The following WDR36 variants were observed in gnomAD, a reference collection of about 807,000 sequenced individuals.
WDR36 encodes the protein WD repeat-containing protein 36.
Under a neutral mutation model 112.7 loss-of-function variants are expected in WDR36, and 63 were observed. The ratio of observed to expected loss-of-function variants is 0.56; its 90% CI spans 0.46 to 0.69. The LOEUF is 0.69. WDR36 is among the 30% of genes least tolerant of loss of function. The pLI, the probability that WDR36 is intolerant of heterozygous loss-of-function variation, is 0.00. For synonymous variants in WDR36, 410 were observed against 362.2 expected, an observed-to-expected ratio of 1.13 and a Z score of -1.50; for missense variants, 1,226 against 1,070.3, an observed-to-expected ratio of 1.15 and a Z score of -2.03.
intron 12 of WDR36, among the ~76,000 whole-genome samples, chr5:111,108,348 C>T (rs1256454143): frequency 2.0e-5 from 3 of 150,994 alleles, no homozygotes; most frequent in Admixed American, 6.6e-5. Context: ...ATCTTGCAAC[C>T]TTGCTGAACT....
intron 2 of WDR36, among the ~76,000 whole-genome samples, chr5:111,096,608 GC>G (rs1366790595): frequency 6.6e-6 from 1 of 152,082 alleles, no homozygotes; most frequent in African/African-American, 2.4e-5. Flanking sequence ...GGAGGCTGAG[GC>G]AGGAGAATCA....
chr5:111,112,510 G>A (rs193272163), intron 15 of WDR36, among the ~76,000 whole-genome samples: 91 of 151,938 alleles, frequency 6.0e-4, no homozygotes, highest in African/African-American at 2.2e-3. Flanking sequence ...TTTTCCTTTT[G>A]GGTCATCTTT....
intron 17 of WDR36, 23 bp downstream of exon 17, chr5:111,119,143 G>A (rs1410534814): frequency 1.0e-5 from 16 of 1,562,036 alleles, no homozygotes; most frequent in Non-Finnish European, 1.3e-5. Context: ...ATACAGTTCT[G>A]TTTTGGGATG....
Position 111,110,292 on chromosome 5 carries a change from G to T in WDR36, c.1430G>T (p.Gly477Val). The change falls in exon 13 of 23, where the codon GGC (glycine) becomes GTC (valine). Residue 477 changes from glycine (G) to valine (V), a missense_variant. Physicochemically the swap from Gly to Val is moderately radical, Grantham distance 109. Transcript: ENST00000513710. Reference sequence around the variant, plus strand: ...TCTGGCATACATCGAGGAAGTTTTGGCAAGGATCAAGGTAGAGAATTTTTT... The same window carrying T: ...TCTGGCATACATCGAGGAAGTTTTGTCAAGGATCAAGGTAGAGAATTTTTT... ...MQSGIHRGSFGKDQAHKGSVR... is the reference protein window; with the variant it reads ...MQSGIHRGSFVKDQAHKGSVR... 2 of 1,610,330 alleles carry T rather than the reference G, an allele frequency of 1.2e-6. No individual in the cohort carries two copies. The highest frequency in any genetic ancestry group is 1.7e-6 in the Non-Finnish European group (2 of 1,177,188).
In WDR36 at chr5:111,126,762, C is replaced by T; in HGVS notation, c.2567C>T (p.Pro856Leu). Residue 856 changes from proline to leucine, a missense_variant, in exon 23 of 23, where the codon CCA becomes CTA. Pro to Leu is a moderately conservative substitution (Grantham distance 98). Coordinates refer to ENST00000513710, the MANE Select transcript of WDR36 (RefSeq NM_139281.3). ...KLHLKMLPSE[P>L]VLLEEITNLS... The stretch of plus-strand genomic sequence containing the variant: ...CACCTTAAAATGCTTCCTTCAGAGC[C>T]AGTACTCCTAGAAGAAATAACAAAT... 6.2e-7 allele frequency: 1 copy of T among 1,613,666 alleles called. No individual in the cohort carries two copies. Among genetic ancestry groups the T allele is most frequent in the East Asian group, 2.2e-5 (1 of 44,830 alleles).
Position 111,094,955 on chromosome 5 carries a change from T to G in WDR36, c.190+8T>G. On this transcript the variant is annotated splice_region_variant and intron_variant, in intron 2 of 22. Coordinates refer to ENST00000513710, the MANE Select transcript of WDR36 (RefSeq NM_139281.3). ...TTAGTCTGGTTGCAGTAAGTAAGTA[T>G]GGACTTTATTCTGAATTTATGCACA... The G allele has an allele frequency of 6.2e-7, 1 of 1,605,596 alleles. No individual in the cohort carries two copies. The highest frequency in any genetic ancestry group is 8.5e-7 in the Non-Finnish European group (1 of 1,174,750).
chr5:111,122,455 T>C (rs1753585647), intron 19 of WDR36, among the ~76,000 whole-genome samples: 1 of 152,236 alleles, frequency 6.6e-6, no homozygotes, highest in Non-Finnish European at 1.5e-5. Context: ...ACATTTGTCC[T>C]GTGGATAACT....
Position 111,104,725 on chromosome 5 carries a change from A to C in WDR36, c.935A>C (p.Glu312Ala), listed in dbSNP as rs1028053376. Reference sequence around the variant, plus strand: ...TGGATATTTGATGGTCCTACAGGTGAAGGCCGACTTTTGAGATTCAGAATG... The same window carrying C: ...TGGATATTTGATGGTCCTACAGGTGCAGGCCGACTTTTGAGATTCAGAATG... ...RIWIFDGPTG[E>A]GRLLRFRMGH... The change falls in exon 9 of 23, where the codon GAA becomes GCA. Residue 312 changes from glutamate (E) to alanine (A), a missense_variant. By Grantham distance (107) the Glu-to-Ala change is moderately radical (BLOSUM62 -1). Transcript: ENST00000513710. 1.2e-6 allele frequency: 2 copies of C among 1,611,352 alleles called. No individual in the cohort carries two copies. The highest frequency in any genetic ancestry group is 1.7e-6 in the Non-Finnish European group (2 of 1,177,942).
intron 16 of WDR36, among the ~76,000 whole-genome samples, chr5:111,118,792 A>G (rs1186610828): frequency 1.3e-5 from 2 of 152,138 alleles, no homozygotes; most frequent in African/African-American, 2.4e-5. Context: ...TAGTCAGTCT[A>G]GTTAATGTTG....
intron 15 of WDR36, chr5:111,111,541 G>T: frequency 2.6e-6 from 1 of 391,712 alleles, no homozygotes; most frequent in South Asian, 2.3e-5. Flanking sequence ...TTTAGAGAAT[G>T]AATGATCCAT....
intron 15 of WDR36, 95 bp downstream of exon 15, chr5:111,111,373 T>C (rs1038321171): frequency 3.1e-6 from 3 of 982,650 alleles, no homozygotes; most frequent in Non-Finnish European, 4.8e-6. Context: ...TATGAGGTGG[T>C]TATCAATTTT....
intron 15 of WDR36, among the ~76,000 whole-genome samples, chr5:111,111,802 A>G (rs1278344229): frequency 6.6e-6 from 1 of 151,920 alleles, no homozygotes; most frequent in Non-Finnish European, 1.5e-5. Flanking sequence ...GAAGTAAACT[A>G]GTTTAAATAG....
At chr5:111,115,852 AT>A (rs1395812950) in intron 16 of WDR36, among the ~76,000 whole-genome samples, 4 of 152,054 alleles carry the variant, frequency 2.6e-5, no homozygotes, top group African/African-American at 9.7e-5. Context: ...CAAAGTTGAA[AT>A]TTTTTATCTA....
In WDR36 at chr5:111,129,261, T is replaced by A. The variant is rs1333628905; in HGVS notation, c.*2378T>A. The A allele has an allele frequency of 5.1e-6, 1 of 196,390 alleles. No individual in the cohort carries two copies. The highest frequency in any genetic ancestry group is 2.3e-5 in the African/African-American group (1 of 43,326). 12.2% of individuals were successfully genotyped at this position (196,390 alleles called of 1,614,324 possible). A position where few individuals can be genotyped will look rare whatever the true frequency, so the allele number is the denominator to read the frequency against. ...TAAGGCTCTCTCTGTGGTATATGCT[T>A]AGGATTTGAATTTCAGGCCAGAGTA... On this transcript the variant is annotated 3_prime_UTR_variant, in exon 23 of 23. Coordinates refer to ENST00000513710, the MANE Select transcript of WDR36 (RefSeq NM_139281.3).
At position 111,093,319 on chromosome 5, in the gene WDR36, C is replaced by A. The variant is rs576707510; in HGVS notation, c.162+701C>A. On this transcript the variant is annotated intron_variant, in intron 1 of 22. Coordinates refer to ENST00000513710, the MANE Select transcript of WDR36 (RefSeq NM_139281.3). ...TTTTGTCTTCTCCGAAAGAATGTAA[C>A]CTCTGTGAGAACAGAAACCTTGATG... Among the ~76,000 whole-genome samples, 9 of 152,324 alleles carry A rather than the reference C, an allele frequency of 5.9e-5. No individual in the cohort carries two copies. In the East Asian group the frequency reaches 1.3e-3, roughly 23 times the overall value.
intron 3 of WDR36, among the ~76,000 whole-genome samples, chr5:111,097,459 T>C (rs1753016866): frequency 6.6e-6 from 1 of 152,198 alleles, no homozygotes; most frequent in Non-Finnish European, 1.5e-5. Context: ...CTCAGGAGTT[T>C]TCTATTTTGT....
rs17132790 is a variant in WDR36 at position 111,117,361 on chromosome 5, C to A, written c.1797-1652C>A. On this transcript the variant is annotated intron_variant, in intron 16 of 22. Coordinates refer to ENST00000513710, the MANE Select transcript of WDR36 (RefSeq NM_139281.3). Reference sequence around the variant, plus strand: ...TTAGCAAATTGAGAGAGGCGTTTTACCATGGGCAAGCAACTTAATGCCTCC... The same window carrying A: ...TTAGCAAATTGAGAGAGGCGTTTTAACATGGGCAAGCAACTTAATGCCTCC... 9.8e-3 allele frequency among the ~76,000 whole-genome samples: 1,496 copies of A among 152,198 alleles called. 20 individuals are homozygous for A. The highest frequency in any genetic ancestry group is 0.034 in the African/African-American group (1,419 of 41,526).
intron 10 of WDR36, 101 bp downstream of exon 10, chr5:111,105,461 T>A (rs1409679662): frequency 2.8e-6 from 3 of 1,074,844 alleles, no homozygotes; most frequent in African/African-American, 1.6e-5. Flanking sequence ...TTATTTTTTC[T>A]TGGATGAACT....
At chr5:111,124,263 A>T in intron 21 of WDR36, 74 bp downstream of exon 21, 1 of 1,253,876 alleles carries the variant, frequency 8.0e-7, no homozygotes, top group Non-Finnish European at 1.1e-6. Flanking sequence ...AATTGAAGGA[A>T]ATATCAGCGT....
Sources: gnomAD v4.1 joint callset for allele counts (sites outside exome capture counted in the v4.1 genomes callset) on GRCh38, gnomAD v4.1.1 for gene constraint, MANE v1.5 for transcripts, NCBI Gene and HGNC (gene_info 2026-07-23, HGNC 2026-07-21) for gene names.